CNTN6: variants seen among roughly 807,000 people sequenced by gnomAD.
CNTN6 encodes the protein contactin-6.
A neutral mutation model predicts 122.8 loss-of-function variants in CNTN6; 137 were observed. The ratio of observed to expected loss-of-function variants is 1.12; its 90% confidence interval spans 0.97 to 1.29. The LOEUF is 1.29. CNTN6 is among the 50% of genes most tolerant of loss of function. The pLI is 0.00. For missense variants in CNTN6, 1,634 were observed against 1,223.4 expected (o/e 1.34, Z -5.01); for synonymous variants, 570 against 426.0 (o/e 1.34, Z -4.16).
chr3:1,156,349 T>G (rs553609290), intron 2 of CNTN6, among the ~76,000 whole-genome samples: 61 of 152,200 alleles, frequency 4.0e-4, no homozygotes, highest in Admixed American at 8.5e-4. Flanking sequence ...TTCCACACTC[T>G]TTGCTTAGAA....
At chr3:1,163,938 G>A (rs2093190450) in intron 2 of CNTN6, among the ~76,000 whole-genome samples, 1 of 152,194 alleles carries the variant, frequency 6.6e-6, no homozygotes, top group Admixed American at 6.5e-5. Context: ...AAGAGCAGGG[G>A]AAATCTGCAC....
chr3:1,362,579 A>C (rs1319894750), intron 12 of CNTN6, among the ~76,000 whole-genome samples: 2 of 152,048 alleles, frequency 1.3e-5, no homozygotes, highest in Non-Finnish European at 2.9e-5. Flanking sequence ...AAAGGGGAGG[A>C]TGCGTGAATA....
At chr3:1,258,190 A>G (rs77455414) in intron 4 of CNTN6, among the ~76,000 whole-genome samples, 2 of 152,110 alleles carry the variant, frequency 1.3e-5, no homozygotes, top group East Asian at 1.9e-4. Flanking sequence ...AGGGAGGAAG[A>G]AAAAAAACCT....
chr3:1,396,174 T>A lies in CNTN6; in HGVS notation c.2705-5259T>A, dbSNP rs559638610. Among the ~76,000 whole-genome samples the A allele has an allele frequency of 2.6e-5, 4 of 152,338 alleles. No homozygotes were observed. In the South Asian group the frequency reaches 8.3e-4, roughly 32 times the overall value. ...TTCACAATGTGTCTCAAAGCTCCTT[T>A]CTATAACATTCCTCTTCTAGCCCTG... On this transcript the variant is annotated intron_variant, in intron 20 of 22. Transcript: ENST00000446702.
chr3:1,266,025 T>C lies in CNTN6; in HGVS notation c.359-12388T>C, dbSNP rs565529917. ...AGTTATATAAAGTTAAAGGTGTTTT[T>C]TTTTTTGCATAACACCTAAGTGCGT... On this transcript the variant is annotated intron_variant, in intron 4 of 22. Coordinates refer to ENST00000446702, the MANE Select transcript of CNTN6 (RefSeq NM_001289080.2). Among the ~76,000 whole-genome samples, 9 of 152,274 alleles carry C rather than the reference T, an allele frequency of 5.9e-5. No homozygotes were observed. The East Asian group carries it at 1.4e-3, about 23-fold the overall frequency.
chr3:1,255,816 C>T (rs2094748422), intron 4 of CNTN6, among the ~76,000 whole-genome samples: 1 of 151,998 alleles, frequency 6.6e-6, no homozygotes, highest in Non-Finnish European at 1.5e-5. Context: ...GCTGGGTCCA[C>T]AAGCTTGCAC....
chr3:1,218,601 G>T (rs1443354165), intron 2 of CNTN6, among the ~76,000 whole-genome samples: 1 of 152,152 alleles, frequency 6.6e-6, no homozygotes, highest in Non-Finnish European at 1.5e-5. Flanking sequence ...ACATACAGGG[G>T]AAGTGAGCAA....
chr3:1,134,741 G>A (rs1002919126), intron 1 of CNTN6, among the ~76,000 whole-genome samples: 1 of 151,854 alleles, frequency 6.6e-6, no homozygotes, highest in African/African-American at 2.4e-5. Flanking sequence ...AATCAAATGA[G>A]ACAATTTATT....
rs1491104796 is a variant in CNTN6, at chr3:1,393,554, GTA to G, written c.2704+7758_2704+7759del. 9.2e-4 allele frequency among the ~76,000 whole-genome samples: 35 copies of G among 37,838 alleles called. No homozygotes were observed. In the South Asian group the frequency reaches 0.033, roughly 36 times the overall value. The allele number at this position is 37,838 out of a possible 152,430, so 24.8% of individuals were successfully genotyped here. ...CACATGTACCCTAAAACTTAAAGAAGTAAAAAAAAAAAAAAAAAAAGAAACTC... is the reference window on the plus strand; with the variant it reads ...CACATGTACCCTAAAACTTAAAGAAGAAAAAAAAAAAAAAAAAAGAAACTC... On this transcript the variant is annotated intron_variant, in intron 20 of 22. Coordinates refer to ENST00000446702, the MANE Select transcript of CNTN6 (RefSeq NM_001289080.2).
intron 2 of CNTN6, among the ~76,000 whole-genome samples, chr3:1,160,309 T>C (rs548924801): frequency 4.9e-5 from 7 of 143,362 alleles, no homozygotes; most frequent in African/African-American, 1.8e-4. Context: ...AGGGTAGCCA[T>C]TATCTGACTT....
chr3:1,172,756 C>G (rs894218097), intron 2 of CNTN6, among the ~76,000 whole-genome samples: 2 of 152,026 alleles, frequency 1.3e-5, no homozygotes, highest in African/African-American at 4.8e-5. Context: ...AAAGGGCAGT[C>G]AGATTTCTGA....
intron 16 of CNTN6, among the ~76,000 whole-genome samples, chr3:1,376,490 A>G (rs1427394869): frequency 6.6e-6 from 1 of 152,122 alleles, no homozygotes; most frequent in Non-Finnish European, 1.5e-5. Flanking sequence ...TTCTCTCCCG[A>G]GAGATTTGAG....
chr3:1,381,299 A>G (rs978738762), intron 17 of CNTN6, among the ~76,000 whole-genome samples: 3 of 151,970 alleles, frequency 2.0e-5, no homozygotes, highest in African/African-American at 7.3e-5. Context: ...ATGAAAAAGA[A>G]GAGAAGTGTT....
intron 7 of CNTN6, among the ~76,000 whole-genome samples, chr3:1,303,708 G>T (rs1231247853): frequency 6.6e-6 from 1 of 152,050 alleles, no homozygotes; most frequent in Admixed American, 6.5e-5. Context: ...TGCTTGTTTG[G>T]ATATCTAGTA....
At chr3:1,176,155 A>G (rs1403978698) in intron 2 of CNTN6, among the ~76,000 whole-genome samples, 2 of 152,192 alleles carry the variant, frequency 1.3e-5, no homozygotes, top group Non-Finnish European at 2.9e-5. Context: ...AACATGTATA[A>G]CAAAATATAG....
intron 2 of CNTN6, 99 bp from the exon 3 acceptor site, chr3:1,220,588 A>G: frequency 1.0e-6 from 1 of 1,002,788 alleles, no homozygotes; most frequent in Non-Finnish European, 1.4e-6. Context: ...TTAAAATAAA[A>G]TAATTTTAAA....
At chr3:1,161,633 CTA>C (rs1437346735) in intron 2 of CNTN6, among the ~76,000 whole-genome samples, 1 of 151,558 alleles carries the variant, frequency 6.6e-6, no homozygotes, top group Non-Finnish European at 1.5e-5. Context: ...CTCTGTTGAG[CTA>C]TGTTTTATTT....
intron 2 of CNTN6, among the ~76,000 whole-genome samples, chr3:1,151,471 T>C (rs977475448): frequency 1.3e-5 from 2 of 152,234 alleles, no homozygotes; most frequent in Admixed American, 1.3e-4. Context: ...AATCATGCCG[T>C]ATTTGAAACT....
chr3:1,297,638 C>CTTTTTTTTTT (rs71303106), intron 6 of CNTN6, among the ~76,000 whole-genome samples: 1 of 138,544 alleles, frequency 7.2e-6, no homozygotes, highest in Non-Finnish European at 1.6e-5. Flanking sequence ...TTGTTTTTTT[C>CTTTTTTTTTT]TTTTTTTTTT....
Sources: allele counts gnomAD v4.1 joint callset (sites outside exome capture counted in the v4.1 genomes callset), GRCh38; gene constraint gnomAD v4.1.1; transcripts MANE v1.5; gene names NCBI Gene and HGNC (gene_info 2026-07-23, HGNC 2026-07-21).